The following LRRC63 variants were observed in gnomAD, a reference collection of about 807,000 sequenced individuals.
LRRC63 encodes leucine rich repeat containing 63.
A neutral mutation model predicts 49.5 loss-of-function variants in LRRC63; 40 were observed. The observed-to-expected ratio is 0.81, with a 90% CI of 0.63 to 1.05. The LOEUF (loss-of-function observed/expected upper bound fraction) is 1.05, where lower values mean the gene tolerates loss of function less well. LRRC63 is among the 50% of genes least tolerant of loss of function. The pLI is 0.00. For synonymous variants in LRRC63, 191 were observed against 221.1 expected (o/e 0.86, Z 1.21); for missense variants, 636 against 663.1 (o/e 0.96, Z 0.45).
chr13:46,227,993 T>A lies in LRRC63; in HGVS notation c.567T>A (p.Tyr189Ter). Residue 189 changes from tyrosine to a stop codon, truncating the protein, a stop_gained, in exon 3 of 10, where the codon TAT (tyrosine) becomes TAA (stop). Transcript: ENST00000595396. LOFTEE classifies it high-confidence loss of function. ...TACCAGAGAGTCCAGGCTATACTTA[T>A]CAGCACATCTCGAGAGACTTAAGTG... The A allele has an allele frequency of 6.4e-7, 1 of 1,551,092 alleles. No homozygotes were observed. Among genetic ancestry groups the A allele is most frequent in the Non-Finnish European group, 8.7e-7 (1 of 1,147,096 alleles).
intron 7 of LRRC63, among the ~76,000 whole-genome samples, chr13:46,258,636 C>CG (rs2047562182): frequency 2.0e-5 from 3 of 149,422 alleles, no homozygotes; most frequent in Non-Finnish European, 4.5e-5. Context: ...GGTGAAACCC[C>CG]ATCTCTACTA....
chr13:46,276,683 AG>A lies in LRRC63; in HGVS notation c.1645del (p.Val549LeufsTer14). On this transcript the variant is annotated frameshift_variant, in exon 10 of 10. Transcript: ENST00000595396. LOFTEE classifies it low-confidence loss of function (END_TRUNC). ...ATATTTTTGGAGCATCACAGCTTCC[AG>A]TTATGTTTTATGTCTGTTCTCCTTC... The A allele has an allele frequency of 8.1e-7, 1 of 1,231,002 alleles. No homozygotes were observed. The highest frequency in any genetic ancestry group is 1.0e-6 in the Non-Finnish European group (1 of 987,320). The allele number at this position is 1,231,002 out of a possible 1,614,324, so 76.3% of individuals were successfully genotyped here. A position where few individuals can be genotyped will look rare whatever the true frequency, so the allele number is the denominator to read the frequency against.
Position 46,260,057 on chromosome 13 carries a change from A to T in LRRC63, c.1227-1852A>T, listed in dbSNP as rs147958677. On this transcript the variant is annotated intron_variant, in intron 7 of 9. Transcript: ENST00000595396. Reference sequence around the variant, plus strand: ...CAGACCAAACAGGCTGTCTGAACAGATTTTCTCTGTAAAAATCATATATAG... The same window carrying T: ...CAGACCAAACAGGCTGTCTGAACAGTTTTTCTCTGTAAAAATCATATATAG... Among the ~76,000 whole-genome samples, 20 of 152,306 alleles carry T rather than the reference A, an allele frequency of 1.3e-4. No individual in the cohort carries two copies. In the East Asian group the frequency reaches 3.5e-3, roughly 26 times the overall value.
exon 3 of LRRC63, chr13:46,228,025 T>A: frequency 6.4e-7 from 1 of 1,551,070 alleles, no homozygotes; most frequent in Non-Finnish European, 8.7e-7. Flanking sequence ...AGTGCAACAG[T>A]GCCAAGCCCT....
intron 4 of LRRC63, 86 bp downstream of exon 4, chr13:46,228,819 G>A: frequency 1.1e-6 from 1 of 927,646 alleles, no homozygotes; most frequent in Non-Finnish European, 1.7e-6. Context: ...TTGTGTTTAT[G>A]TGTGTGATTC....
At chr13:46,243,317 C>CA (rs1363613016) in intron 5 of LRRC63, among the ~76,000 whole-genome samples, 1 of 151,990 alleles carries the variant, frequency 6.6e-6, no homozygotes, top group Non-Finnish European at 1.5e-5. Context: ...TGTAATAGCA[C>CA]AGAATCAAAA....
intron 1 of LRRC63, 94 bp from the exon 2 acceptor site, chr13:46,212,908 C>G: frequency 1.5e-6 from 1 of 652,934 alleles, no homozygotes; most frequent in Non-Finnish European, 2.6e-6. Flanking sequence ...AGTATTGGTA[C>G]AGAATGATTT....
intron 5 of LRRC63, among the ~76,000 whole-genome samples, chr13:46,239,574 A>G (rs2046996965): frequency 6.6e-6 from 1 of 152,216 alleles, no homozygotes; most frequent in African/African-American, 2.4e-5. Flanking sequence ...AAGAGCTTGT[A>G]CTATTTCTGC....
intron 4 of LRRC63, among the ~76,000 whole-genome samples, chr13:46,230,918 C>T (rs2046736484): frequency 6.6e-6 from 1 of 152,192 alleles, no homozygotes; most frequent in African/African-American, 2.4e-5. Context: ...ATCAGATACC[C>T]CAAGTCATCA....
At chr13:46,255,067 A>T (rs2047475196) in intron 7 of LRRC63, among the ~76,000 whole-genome samples, 1 of 152,262 alleles carries the variant, frequency 6.6e-6, no homozygotes, top group Non-Finnish European at 1.5e-5. Flanking sequence ...ATACATACAT[A>T]GAACATTATT....
At chr13:46,230,112 A>C (rs927488003) in intron 4 of LRRC63, among the ~76,000 whole-genome samples, 5 of 152,104 alleles carry the variant, frequency 3.3e-5, no homozygotes, top group African/African-American at 9.7e-5. Context: ...TGGGAGTTAC[A>C]TTTCAATATG....
chr13:46,259,782 A>G lies in LRRC63; in HGVS notation c.1227-2127A>G, dbSNP rs1321494589. On this transcript the variant is annotated intron_variant, in intron 7 of 9. Coordinates refer to ENST00000595396, the Ensembl canonical transcript of LRRC63. The stretch of plus-strand genomic sequence containing the variant: ...CTGTAAAAAACAATCCTACACTGGT[A>G]TGTTAAAAGATCATTCTAAATTACC... 2.0e-5 allele frequency among the ~76,000 whole-genome samples: 3 copies of G among 152,220 alleles called. No individual in the cohort carries two copies. The South Asian group carries it at 6.2e-4, about 32-fold the overall frequency.
chr13:46,216,754 T>A (rs1171007995), intron 2 of LRRC63, among the ~76,000 whole-genome samples: 4 of 152,198 alleles, frequency 2.6e-5, no homozygotes, highest in African/African-American at 9.7e-5. Flanking sequence ...CATAAATAGC[T>A]CTTATTATTT....
intron 2 of LRRC63, among the ~76,000 whole-genome samples, chr13:46,217,254 T>A (rs1303397112): frequency 6.6e-6 from 1 of 152,234 alleles, no homozygotes; most frequent in Admixed American, 6.5e-5. Context: ...TTTCTTTGGT[T>A]GGTAGGCTAT....
At chr13:46,244,257 C>CT (rs149432447) in intron 5 of LRRC63, among the ~76,000 whole-genome samples, 2,114 of 151,254 alleles carry the variant, frequency 0.014, 54 homozygotes, top group African/African-American at 0.049. Context: ...TTGTAAGGTT[C>CT]TTTTTTTTTC....
chr13:46,241,536 A>G (rs1389891032), intron 5 of LRRC63, among the ~76,000 whole-genome samples: 3 of 152,208 alleles, frequency 2.0e-5, no homozygotes. Flanking sequence ...TGAACAGACA[A>G]CCTACAGAAT....
In LRRC63 at chr13:46,255,058, T is replaced by A. The variant is rs111389562; in HGVS notation, c.1226+4567T>A. On this transcript the variant is annotated intron_variant, in intron 7 of 9. Coordinates refer to ENST00000595396, the Ensembl canonical transcript of LRRC63. The stretch of plus-strand genomic sequence containing the variant: ...TAATGAATAAACAAAATGTGATATA[T>A]ACATACATAGAACATTATTCATCTT... 5.6e-3 allele frequency among the ~76,000 whole-genome samples: 854 copies of A among 152,300 alleles called. 7 individuals are homozygous for A. The highest frequency in any genetic ancestry group is 0.02 in the African/African-American group (822 of 41,574).
At position 46,246,594 on chromosome 13, in the gene LRRC63, C is replaced by G; in HGVS notation, c.1058C>G (p.Ser353Ter). 1 of 1,468,898 alleles carries G rather than the reference C, an allele frequency of 6.8e-7. No individual in the cohort carries two copies. The highest frequency in any genetic ancestry group is 9.0e-7 in the Non-Finnish European group (1 of 1,112,568). 91.0% of individuals were successfully genotyped at this position (1,468,898 alleles called of 1,614,324 possible). ...TTCCAGTTGATATATCTTAATTTAT[C>G]ATTTAATGATCTTCATTACTTTCCC... Residue 353 changes from serine (S) to a stop codon, truncating the protein, a stop_gained, in exon 6 of 10, where the codon TCA becomes TGA. Coordinates refer to ENST00000595396, the Ensembl canonical transcript of LRRC63. LOFTEE classifies it high-confidence loss of function.
At chr13:46,253,992 CT>C (rs1159514073) in intron 7 of LRRC63, among the ~76,000 whole-genome samples, 2 of 152,052 alleles carry the variant, frequency 1.3e-5, no homozygotes, top group African/African-American at 4.8e-5. Context: ...ATTATAAAGA[CT>C]GAGGAAAAGC....
Sources: allele counts gnomAD v4.1 joint callset (sites outside exome capture counted in the v4.1 genomes callset), GRCh38; gene constraint gnomAD v4.1.1; transcripts MANE v1.5; gene names NCBI Gene and HGNC (gene_info 2026-07-23, HGNC 2026-07-21).